Variants in WWOX observed in about 807,000 individuals in gnomAD.
WWOX encodes the protein WW domain containing oxidoreductase.
A neutral mutation model predicts 46.2 loss-of-function variants in WWOX; 69 were observed. The observed-to-expected ratio is 1.49, with a 90% CI of 1.23 to 1.82. The LOEUF (loss-of-function observed/expected upper bound fraction) is 1.82. Among genes scored for constraint, WWOX ranks in the 40% most tolerant of loss-of-function variants. WWOX has a pLI of 0.00. For synonymous variants in WWOX, 359 were observed against 202.6 expected, an observed-to-expected ratio of 1.77 and a Z score of -6.56; for missense variants, 919 against 542.6, an observed-to-expected ratio of 1.69 and a Z score of -6.89.
In WWOX at chr16:79,211,576, AT is replaced by A. The variant is rs202093359; in HGVS notation, c.1057-23del. 224 of 1,607,654 alleles carry A rather than the reference AT, an allele frequency of 1.4e-4. 1 individual carries two copies. In the East Asian group the frequency reaches 3.6e-3, roughly 26 times the overall value. On this transcript the variant is annotated intron_variant, in intron 8 of 8. Transcript: ENST00000566780. ...CCATCTCATCACTCCTTTTCTTAAA[AT>A]TTTTTTTTGTCTTTCTTCTTGGATT...
Position 78,395,873 on chromosome 16 carries a change from T to A in WWOX, c.605+8925T>A, listed in dbSNP as rs368089872. The stretch of plus-strand genomic sequence containing the variant: ...TTTCTTTCGGAGTAAATGCTTAGAT[T>A]CCATTTTCTTTGACATGACTATGTC... On this transcript the variant is annotated intron_variant, in intron 6 of 8. Transcript: ENST00000566780. Among the ~76,000 whole-genome samples the A allele has an allele frequency of 5.9e-5, 9 of 152,324 alleles. No individual in the cohort carries two copies. The East Asian group carries it at 7.7e-4, about 13-fold the overall frequency.
intron 8 of WWOX, among the ~76,000 whole-genome samples, chr16:79,075,084 T>C (rs1198911373): frequency 1.3e-5 from 2 of 152,170 alleles, no homozygotes; most frequent in African/African-American, 4.8e-5. Context: ...TTACTTTGTT[T>C]GGAATTCACT....
chr16:78,506,898 G>A (rs994705008), intron 8 of WWOX, among the ~76,000 whole-genome samples: 1 of 151,932 alleles, frequency 6.6e-6, no homozygotes, highest in Non-Finnish European at 1.5e-5. Flanking sequence ...ATTTTTAGTA[G>A]AGACGGGATT....
At chr16:78,982,503 G>A (rs1326330427) in intron 8 of WWOX, among the ~76,000 whole-genome samples, 1 of 152,216 alleles carries the variant, frequency 6.6e-6, no homozygotes, top group Non-Finnish European at 1.5e-5. Flanking sequence ...TCATAGTGGT[G>A]TGTATGTATC....
chr16:78,827,824 A>C (rs562669600), intron 8 of WWOX, among the ~76,000 whole-genome samples: 1 of 152,262 alleles, frequency 6.6e-6, no homozygotes, highest in East Asian at 1.9e-4. Context: ...CTGGGCGGCA[A>C]GCAAGACACC....
chr16:78,122,690 C>T (rs1440778795), intron 4 of WWOX, among the ~76,000 whole-genome samples: 2 of 151,728 alleles, frequency 1.3e-5, no homozygotes, highest in African/African-American at 4.8e-5. Flanking sequence ...CTGCAACCTC[C>T]GCCTCCCGGG....
intron 8 of WWOX, among the ~76,000 whole-genome samples, chr16:78,660,396 T>C (rs373187588): frequency 9.2e-5 from 14 of 152,270 alleles, no homozygotes; most frequent in African/African-American, 2.4e-4. Context: ...GACATTGATA[T>C]GCTTCCTGAG....
chr16:78,461,218 A>T (rs1567586788), intron 8 of WWOX, among the ~76,000 whole-genome samples: 1 of 152,192 alleles, frequency 6.6e-6, no homozygotes, highest in African/African-American at 2.4e-5. Context: ...TTTAAATCAG[A>T]GAGCCCACCT....
At chr16:79,095,359 T>A (rs971131574) in intron 8 of WWOX, among the ~76,000 whole-genome samples, 1 of 152,142 alleles carries the variant, frequency 6.6e-6, no homozygotes, top group Non-Finnish European at 1.5e-5. Flanking sequence ...ATCCTCATAA[T>A]GGTCCCTTGG....
chr16:78,965,032 C>T (rs193133982), intron 8 of WWOX, among the ~76,000 whole-genome samples: 1 of 152,272 alleles, frequency 6.6e-6, no homozygotes, highest in East Asian at 1.9e-4. Flanking sequence ...CTGGATGCCC[C>T]AGCAAAAGTT....
chr16:78,808,407 G>A (rs1221124734), intron 8 of WWOX, among the ~76,000 whole-genome samples: 1 of 152,062 alleles, frequency 6.6e-6, no homozygotes, highest in East Asian at 1.9e-4. Context: ...TTCAAATATG[G>A]GTAAATGCTA....
chr16:78,961,119 C>G (rs1391706284), intron 8 of WWOX, among the ~76,000 whole-genome samples: 1 of 152,120 alleles, frequency 6.6e-6, no homozygotes, highest in Non-Finnish European at 1.5e-5. Context: ...GAAAGAAAGA[C>G]TCAAGCCAAG....
At chr16:78,400,686 G>T (rs2082391861) in intron 6 of WWOX, among the ~76,000 whole-genome samples, 1 of 152,190 alleles carries the variant, frequency 6.6e-6, no homozygotes, top group African/African-American at 2.4e-5. Context: ...AGGGAGGACT[G>T]GAGGAAGGAA....
At chr16:78,448,418 G>GCT (rs2083611506) in intron 8 of WWOX, among the ~76,000 whole-genome samples, 1 of 152,136 alleles carries the variant, frequency 6.6e-6, no homozygotes, top group African/African-American at 2.4e-5. Context: ...CCATTGCTTA[G>GCT]CTGGACCATC....
intron 8 of WWOX, among the ~76,000 whole-genome samples, chr16:78,712,428 G>A (rs745518499): frequency 3.3e-5 from 5 of 151,952 alleles, no homozygotes; most frequent in Non-Finnish European, 4.4e-5. Context: ...CTTGAACCCA[G>A]GAGGCGGAGG....
intron 8 of WWOX, among the ~76,000 whole-genome samples, chr16:79,156,455 C>A (rs1331795572): frequency 6.6e-6 from 1 of 152,164 alleles, no homozygotes; most frequent in Non-Finnish European, 1.5e-5. Context: ...GCCACCGCTC[C>A]CAGCAACAAT....
chr16:78,978,527 A>G (rs2046617068), intron 8 of WWOX, among the ~76,000 whole-genome samples: 1 of 152,200 alleles, frequency 6.6e-6, no homozygotes, highest in East Asian at 1.9e-4. Context: ...CTATAAAGAA[A>G]TGCCTGAGAC....
intron 8 of WWOX, among the ~76,000 whole-genome samples, chr16:78,452,232 G>C (rs2083707276): frequency 6.6e-6 from 1 of 152,176 alleles, no homozygotes; most frequent in Admixed American, 6.5e-5. Context: ...CATAAAAAGA[G>C]ATTGCGTAAC....
chr16:79,018,912 A>G (rs2047471867), intron 8 of WWOX, among the ~76,000 whole-genome samples: 1 of 152,060 alleles, frequency 6.6e-6, no homozygotes, highest in African/African-American at 2.4e-5. Flanking sequence ...ACACTTTGGG[A>G]GGATAAGGTG....
Sources: allele counts gnomAD v4.1 joint callset (sites outside exome capture counted in the v4.1 genomes callset), GRCh38; gene constraint gnomAD v4.1.1; transcripts MANE v1.5; gene names NCBI Gene and HGNC (gene_info 2026-07-23, HGNC 2026-07-21).